The following SLMAP variants were observed in gnomAD, a reference collection of about 807,000 sequenced individuals.
The protein encoded by SLMAP is sarcolemmal membrane-associated protein.
In SLMAP, 44 loss-of-function variants were observed where a neutral mutation model predicts 128.8. That is an observed-to-expected ratio of 0.34 (90% CI 0.27 to 0.44). The LOEUF (loss-of-function observed/expected upper bound fraction) is 0.44. Ranked by LOEUF, SLMAP falls within the 20% of genes least tolerant of loss-of-function variation. The pLI is 1.00. For missense variants in SLMAP, 787 were observed against 985.3 expected (o/e 0.80, Z 2.69); for synonymous variants, 327 against 348.8 (o/e 0.94, Z 0.70).
At chr3:57,813,013 T>C (rs560085870) in intron 2 of SLMAP, among the ~76,000 whole-genome samples, 40 of 152,180 alleles carry the variant, frequency 2.6e-4, no homozygotes, top group African/African-American at 9.6e-4. Flanking sequence ...ACAGTTTTTT[T>C]CTGGACCATT....
chr3:57,774,868 T>G (rs1331704849), intron 2 of SLMAP, among the ~76,000 whole-genome samples: 1 of 152,034 alleles, frequency 6.6e-6, no homozygotes, highest in Non-Finnish European at 1.5e-5. Context: ...GTAGGTCTGA[T>G]GATTGTGCTT....
chr3:57,781,794 G>A (rs139164806), intron 2 of SLMAP, among the ~76,000 whole-genome samples: 2,062 of 146,632 alleles, frequency 0.014, 54 homozygotes, highest in African/African-American at 0.05. Flanking sequence ...GTGCAGTGGC[G>A]CAATTTCAGC....
intron 10 of SLMAP, among the ~76,000 whole-genome samples, chr3:57,862,448 G>A (rs2153601417): frequency 6.6e-6 from 1 of 151,832 alleles, no homozygotes; most frequent in South Asian, 2.1e-4. Flanking sequence ...GACCATCCTG[G>A]CCAACATGGT....
At chr3:57,852,171 A>G (rs1331848278) in intron 6 of SLMAP, among the ~76,000 whole-genome samples, 1 of 152,118 alleles carries the variant, frequency 6.6e-6, no homozygotes, top group Non-Finnish European at 1.5e-5. Flanking sequence ...TTGGCCTCCC[A>G]AAGTGCTGGG....
intron 2 of SLMAP, among the ~76,000 whole-genome samples, chr3:57,791,229 GCATGCCTGTAATTC>G (rs1171333406): frequency 6.6e-6 from 1 of 152,068 alleles, no homozygotes; most frequent in African/African-American, 2.4e-5. Context: ...GCATTGTGGA[GCATGCCTGTAATTC>G]CAGCTACTTG....
Position 57,865,296 on chromosome 3 carries a change from G to A in SLMAP, c.1237+4G>A. The A allele has an allele frequency of 1.4e-6, 2 of 1,408,098 alleles. No homozygotes were observed. Among genetic ancestry groups the A allele is most frequent in the Non-Finnish European group, 1.9e-6 (2 of 1,028,336 alleles). 87.2% of individuals were successfully genotyped at this position (1,408,098 alleles called of 1,614,324 possible). ...ATAAATGGGAGCACAGAAAAAGGTAGTGTAAAAAACTTAAATATATATATA... is the reference window on the plus strand; with the variant it reads ...ATAAATGGGAGCACAGAAAAAGGTAATGTAAAAAACTTAAATATATATATA... On this transcript the variant is annotated splice_donor_region_variant and intron_variant, in intron 13 of 24. Coordinates refer to ENST00000671191, the MANE Select transcript of SLMAP (RefSeq NM_001377540.1).
chr3:57,837,422 G>A (rs1314468934), intron 3 of SLMAP, among the ~76,000 whole-genome samples: 2 of 152,202 alleles, frequency 1.3e-5, no homozygotes, highest in African/African-American at 2.4e-5. Flanking sequence ...AGGCTGGAGT[G>A]CAGTGGCACG....
At chr3:57,798,145 A>G (rs1380233325) in intron 2 of SLMAP, among the ~76,000 whole-genome samples, 5 of 152,350 alleles carry the variant, frequency 3.3e-5, no homozygotes, top group Admixed American at 3.3e-4. Flanking sequence ...CTTTCTAAGC[A>G]GTCATTTATT....
At chr3:57,860,955 C>T (rs2095025890) in intron 9 of SLMAP, 116 bp downstream of exon 9, 2 of 840,422 alleles carry the variant, frequency 2.4e-6, no homozygotes, top group Non-Finnish European at 3.5e-6. Context: ...TACTTTCTGT[C>T]TGTCAGGTGG....
At chr3:57,868,874 TTA>T (rs897162436) in intron 13 of SLMAP, among the ~76,000 whole-genome samples, 9 of 139,050 alleles carry the variant, frequency 6.5e-5, no homozygotes, top group Non-Finnish European at 1.2e-4. Flanking sequence ...TATGTGTGTA[TTA>T]TATATAATAT....
chr3:57,764,497 A>C (rs1362514813), intron 2 of SLMAP, among the ~76,000 whole-genome samples: 1 of 142,978 alleles, frequency 7.0e-6, no homozygotes, highest in African/African-American at 2.5e-5. Flanking sequence ...GGGAGACTGC[A>C]TCTCAAAAAA....
intron 19 of SLMAP, among the ~76,000 whole-genome samples, chr3:57,911,306 T>C (rs1439783446): frequency 6.6e-6 from 1 of 152,206 alleles, no homozygotes. Context: ...CCTACAAACT[T>C]AGAAAGTCTA....
chr3:57,912,678 GAGA>G lies in SLMAP; in HGVS notation c.2003_2005del (p.Glu668del), dbSNP rs1440706386. ...TGTCAACAGTGTGAGGACCAGCAGA[GAGA>G]AGAAGCAACAAGGTTGCAAGGTGAA... On this transcript the variant is annotated inframe_deletion, in exon 20 of 25. Transcript: ENST00000671191. 2 of 1,611,740 alleles carry G rather than the reference GAGA, an allele frequency of 1.2e-6. No homozygotes were observed. Among genetic ancestry groups the G allele is most frequent in the South Asian group, 1.1e-5 (1 of 91,050 alleles).
At chr3:57,866,958 A>G (rs560296358) in intron 13 of SLMAP, among the ~76,000 whole-genome samples, 1 of 152,108 alleles carries the variant, frequency 6.6e-6, no homozygotes, top group Admixed American at 6.5e-5. Context: ...GGATCACTTG[A>G]GGTCAGTAGT....
At chr3:57,906,300 C>CTTTTTTTTCTTTT (rs2096541411) in intron 17 of SLMAP, among the ~76,000 whole-genome samples, 1 of 71,288 alleles carries the variant, frequency 1.4e-5, no homozygotes, top group African/African-American at 4.8e-5. Flanking sequence ...AAATTTTTTT[C>CTTTTTTTTCTTTT]TTTTTTTTTC....
chr3:57,872,424 G>A (rs983672654), intron 14 of SLMAP, among the ~76,000 whole-genome samples: 2 of 152,104 alleles, frequency 1.3e-5, no homozygotes, highest in African/African-American at 4.8e-5. Context: ...TTTGAGACCA[G>A]CCTGACCAAC....
chr3:57,795,823 C>T (rs1238262314), intron 2 of SLMAP, among the ~76,000 whole-genome samples: 1 of 152,038 alleles, frequency 6.6e-6, no homozygotes, highest in Non-Finnish European at 1.5e-5. Context: ...TAAATAATAA[C>T]TCTCCCTTCC....
At chr3:57,885,234 GGCTAAATTTGTATTTTTAGTAGA>G (rs1302786337) in intron 14 of SLMAP, among the ~76,000 whole-genome samples, 1 of 151,192 alleles carries the variant, frequency 6.6e-6, no homozygotes, top group Non-Finnish European at 1.5e-5. Flanking sequence ...CACCACGCCC[GGCTAAATTTGTATTTTTAGTAGA>G]GACAAGGTTT....
chr3:57,786,768 C>T (rs2084260778), intron 2 of SLMAP, among the ~76,000 whole-genome samples: 9 of 141,036 alleles, frequency 6.4e-5, no homozygotes, highest in South Asian at 2.2e-4. Flanking sequence ...GAGTCTCGCT[C>T]TGTCGCCCAG....
Sources: gnomAD v4.1 joint callset for allele counts (sites outside exome capture counted in the v4.1 genomes callset) on GRCh38, gnomAD v4.1.1 for gene constraint, MANE v1.5 for transcripts, NCBI Gene and HGNC (gene_info 2026-07-23, HGNC 2026-07-21) for gene names.